TYMS: variants seen among roughly 807,000 people sequenced by gnomAD.
The protein encoded by TYMS is thymidylate synthetase, also known as thymidylate synthase.
Under a neutral mutation model 39.3 loss-of-function variants are expected in TYMS, and 21 were observed. That is an observed-to-expected ratio of 0.54 (90% CI 0.38 to 0.77). The LOEUF (loss-of-function observed/expected upper bound fraction) is 0.77, where lower values mean the gene tolerates loss of function less well. Ranked by LOEUF, TYMS falls within the 30% of genes least tolerant of loss-of-function variation. The pLI is 0.00. For missense variants in TYMS, 273 were observed against 406.7 expected (o/e 0.67, Z 2.83); for synonymous variants, 171 against 162.2 (o/e 1.05, Z -0.41).
In TYMS at chr18:669,158, G is replaced by A. The variant is rs1244429666; in HGVS notation, c.541G>A (p.Ala181Thr). The A allele has an allele frequency of 5.6e-6, 9 of 1,614,042 alleles. No homozygotes were observed. Among genetic ancestry groups the A allele is most frequent in the East Asian group, 2.2e-5 (1 of 44,884 alleles). Residue 181 changes from alanine (A) to threonine (T), a missense_variant, in exon 4 of 7, where the codon GCT becomes ACT. Physicochemically the swap from Ala to Thr is moderately conservative, Grantham distance 58. Around this residue, in one of 3 missense-constraint regions of TYMS, gnomAD observed 228 missense variants for 326.1 expected, o/e 0.70. Coordinates refer to ENST00000323274, the MANE Select transcript of TYMS (RefSeq NM_001071.4). Reference protein sequence around the residue: ...NPDDRRIIMCAWNPRDLPLMA... With the variant: ...NPDDRRIIMCTWNPRDLPLMA... ...TGACGACAGAAGAATCATCATGTGCGCTTGGAATCCAAGAGGTTGAAAGAA... is the reference window on the plus strand; with the variant it reads ...TGACGACAGAAGAATCATCATGTGCACTTGGAATCCAAGAGGTTGAAAGAA...
At position 660,264 on chromosome 18, in the gene TYMS, G is replaced by A. The variant is rs1427416813; in HGVS notation, c.279+550G>A. On this transcript the variant is annotated intron_variant, in intron 2 of 6. Transcript: ENST00000323274. This position sits in a 1 kb window ranked among gnomAD's most constrained non-coding sequence, Gnocchi z 4.6. ...GCACACCGGGACATCCCCACTCCCT[G>A]GAACCTTCTTCCCCCACACTTGGCT... Among the ~76,000 whole-genome samples, 1 of 152,084 alleles carries A rather than the reference G, an allele frequency of 6.6e-6. No individual in the cohort carries two copies. The highest frequency in any genetic ancestry group is 2.4e-5 in the African/African-American group (1 of 41,404).
chr18:673,101 A>C lies in TYMS; in HGVS notation c.*104A>C. On this transcript the variant is annotated 3_prime_UTR_variant, in exon 7 of 7. Coordinates refer to ENST00000323274, the MANE Select transcript of TYMS (RefSeq NM_001071.4). ...TCTAAAAGAAAAAGGAACTAGGTCA[A>C]AAATCTGTCCGTGACCTATCAGTTA... is the stretch of plus-strand genomic sequence containing the variant. 7.9e-7 allele frequency: 1 copy of C among 1,273,388 alleles called. No homozygotes were observed. The highest frequency in any genetic ancestry group is 1.1e-6 in the Non-Finnish European group (1 of 943,970). The allele number at this position is 1,273,388 out of a possible 1,614,324, so 78.9% of individuals were successfully genotyped here. A position where few individuals can be genotyped will look rare whatever the true frequency, so the allele number is the denominator to read the frequency against.
intron 2 of TYMS, among the ~76,000 whole-genome samples, chr18:661,596 G>A (rs963274018): frequency 6.6e-6 from 1 of 152,216 alleles, no homozygotes; most frequent in Non-Finnish European, 1.5e-5. Flanking sequence ...CTTAGTTGAG[G>A]GGAATGGAAG....
intron 3 of TYMS, among the ~76,000 whole-genome samples, chr18:662,726 C>A (rs1212844265): frequency 6.6e-6 from 1 of 151,332 alleles, no homozygotes; most frequent in Non-Finnish European, 1.5e-5. Flanking sequence ...CATATGTTCT[C>A]GTTGTTCAAT....
chr18:669,521 T>G (rs898652719), intron 4 of TYMS: 4 of 199,324 alleles, frequency 2.0e-5, no homozygotes, highest in African/African-American at 9.3e-5. Context: ...TACAGGCATG[T>G]GCCACCATGC....
rs1228955728 is a variant in TYMS, at chr18:666,913, G to GA, written c.455-2159_455-2158insA. Among the ~76,000 whole-genome samples the GA allele has an allele frequency of 2.9e-4, 19 of 65,142 alleles. 3 individuals carry two copies. Among genetic ancestry groups the GA allele is most frequent in the African/African-American group, 6.6e-4 (18 of 27,074 alleles). The allele number at this position is 65,142 out of a possible 152,430, so 42.7% of individuals were successfully genotyped here. A position where few individuals can be genotyped will look rare whatever the true frequency, so the allele number is the denominator to read the frequency against. ...GGGAGATGGTGATGGAGATGGTGAT[G>GA]GTGATGGAGATGGTGATGGTGATGG... On this transcript the variant is annotated intron_variant, in intron 3 of 6. Coordinates refer to ENST00000323274, the MANE Select transcript of TYMS (RefSeq NM_001071.4).
rs2074934438 is a variant in TYMS, at chr18:669,351, G to A, written c.556+178G>A. The A allele has an allele frequency of 5.9e-6, 3 of 507,842 alleles. No individual in the cohort carries two copies. The South Asian group carries it at 9.1e-5, about 15-fold the overall frequency. 31.5% of individuals were successfully genotyped at this position (507,842 alleles called of 1,614,324 possible). On this transcript the variant is annotated intron_variant, in intron 4 of 6. Transcript: ENST00000323274. ...CTGCACTTTCACCTTCAGATCATGA[G>A]GTTGGGCCCAGAGGATTTTTTTTTT...
chr18:672,910 T>G lies in TYMS; in HGVS notation c.855T>G (p.Val285=), dbSNP rs1254990580. The change falls in exon 7 of 7, where the codon GTT becomes GTG. Residue 285 remains valine (V), a synonymous_variant. Coordinates refer to ENST00000323274, the MANE Select transcript of TYMS (RefSeq NM_001071.4). ...CAAAGCTCAGGATTCTTCGAAAAGTTGAGAAAATTGATGACTTCAAAGCTG... is the reference window on the plus strand; with the variant it reads ...CAAAGCTCAGGATTCTTCGAAAAGTGGAGAAAATTGATGACTTCAAAGCTG... The part of the protein sequence containing the change: ...PFPKLRILRK[V]EKIDDFKAED... 1 of 1,598,488 alleles carries G rather than the reference T, an allele frequency of 6.3e-7. No individual in the cohort carries two copies. Among genetic ancestry groups the G allele is most frequent in the Non-Finnish European group, 8.6e-7 (1 of 1,167,836 alleles).
At chr18:665,107 T>G (rs2074796246) in intron 3 of TYMS, among the ~76,000 whole-genome samples, 1 of 151,938 alleles carries the variant, frequency 6.6e-6, no homozygotes, top group Non-Finnish European at 1.5e-5. Flanking sequence ...CAGTTCCTCT[T>G]TGTACCTCTG....
rs1403612651 is a variant in TYMS, at chr18:658,277, T to G, written c.205+330T>G. 7.0e-7 allele frequency: 1 copy of G among 1,430,196 alleles called. No individual in the cohort carries two copies. The allele number at this position is 1,430,196 out of a possible 1,614,324, so 88.6% of individuals were successfully genotyped here. Reference sequence around the variant, plus strand: ...CAGCGTTTGCCCAGTGCTGGAGGGTTAGGGAGAGCTGCCTGGGCTTGACCG... The same window carrying G: ...CAGCGTTTGCCCAGTGCTGGAGGGTGAGGGAGAGCTGCCTGGGCTTGACCG... On this transcript the variant is annotated intron_variant, in intron 1 of 6. Transcript: ENST00000323274. This position sits in a 1 kb window ranked among gnomAD's most constrained non-coding sequence, Gnocchi z 4.5.
intron 3 of TYMS, 28 bp downstream of exon 3, chr18:662,348 T>C: frequency 1.9e-6 from 3 of 1,573,058 alleles, no homozygotes; most frequent in Non-Finnish European, 2.6e-6. Context: ...TGCCTTCCAT[T>C]TCCCGGGTGC....
At chr18:667,571 A>ATGGT (rs1368458016) in intron 3 of TYMS, 5 of 27,970 alleles carry the variant, frequency 1.8e-4, no homozygotes, top group Non-Finnish European at 3.1e-4. Context: ...ATGGTGATGG[A>ATGGT]GATGGTGATG....
At chr18:669,371 T>G in intron 4 of TYMS, 198 bp downstream of exon 4, 1 of 394,432 alleles carries the variant, frequency 2.5e-6, no homozygotes. Flanking sequence ...AGAGGATTTT[T>G]TTTTTTTTTT....
chr18:658,907 G>T lies in TYMS; in HGVS notation c.206-734G>T, dbSNP rs1470451824. 6.6e-6 allele frequency among the ~76,000 whole-genome samples: 1 copy of T among 152,200 alleles called. No homozygotes were observed. Among genetic ancestry groups the T allele is most frequent in the Non-Finnish European group, 1.5e-5 (1 of 68,028 alleles). ...CCGGCCCACGGACCCATCTAGAGAC[G>T]AATACATAGCAGCTGCTGTGGCTGA... is the stretch of plus-strand genomic sequence containing the variant. On this transcript the variant is annotated intron_variant, in intron 1 of 6. Coordinates refer to ENST00000323274, the MANE Select transcript of TYMS (RefSeq NM_001071.4). The surrounding 1 kb of genome is among the most constrained non-coding windows in gnomAD (Gnocchi z 4.5).
rs1022080068 is a variant in TYMS at position 670,786 on chromosome 18, A to C, written c.651A>C (p.Gly217=). 1.9e-6 allele frequency: 3 copies of C among 1,613,896 alleles called. No homozygotes were observed. The highest frequency in any genetic ancestry group is 2.5e-6 in the Non-Finnish European group (3 of 1,180,014). ...CCTGCCAGCTGTACCAGAGATCGGG[A>C]GACATGGGCCTCGGTGTGCCTTTCA... ...ELSCQLYQRS[G]DMGLGVPFNI... Residue 217 remains glycine (G), a synonymous_variant, in exon 5 of 7, where the codon GGA becomes GGC. Transcript: ENST00000323274.
rs745957549 is a variant in TYMS at position 670,816 on chromosome 18, C to T, written c.681C>T (p.Ile227=). ...TGGGCCTCGGTGTGCCTTTCAACATCGCCAGCTACGCCCTGCTCACGTACA... is the reference window on the plus strand; with the variant it reads ...TGGGCCTCGGTGTGCCTTTCAACATTGCCAGCTACGCCCTGCTCACGTACA... ...GDMGLGVPFN[I]ASYALLTYMI... is the part of the protein sequence containing the mutation. Residue 227 remains isoleucine, a synonymous_variant, in exon 5 of 7, where the codon ATC becomes ATT. Transcript: ENST00000323274. 1.2e-5 allele frequency: 19 copies of T among 1,614,010 alleles called. No individual in the cohort carries two copies. The highest frequency in any genetic ancestry group is 1.4e-5 in the Non-Finnish European group (17 of 1,180,036).
Position 658,634 on chromosome 18 carries a change from AGTGGG to A in TYMS, c.205+689_205+693del. 8.1e-6 allele frequency: 1 copy of A among 123,442 alleles called. No individual in the cohort carries two copies. The highest frequency in any genetic ancestry group is 1.5e-5 in the Non-Finnish European group (1 of 66,742). 7.6% of individuals were successfully genotyped at this position (123,442 alleles called of 1,614,324 possible). ...CATTGGCGCCAGGCTTTCAGGGGAC[AGTGGG>A]GCGGGGCGGGGTGGGCACAGGACGT... On this transcript the variant is annotated intron_variant, in intron 1 of 6. Coordinates refer to ENST00000323274, the MANE Select transcript of TYMS (RefSeq NM_001071.4). The surrounding 1 kb of genome is among the most constrained non-coding windows in gnomAD (Gnocchi z 4.5).
In TYMS at chr18:658,467, G is replaced by A; in HGVS notation, c.205+520G>A. 1.8e-6 allele frequency: 1 copy of A among 562,520 alleles called. No homozygotes were observed. Among genetic ancestry groups the A allele is most frequent in the Non-Finnish European group, 2.7e-6 (1 of 370,886 alleles). The allele number at this position is 562,520 out of a possible 1,614,324, so 34.8% of individuals were successfully genotyped here. A position where few individuals can be genotyped will look rare whatever the true frequency, so the allele number is the denominator to read the frequency against. On this transcript the variant is annotated intron_variant, in intron 1 of 6. Coordinates refer to ENST00000323274, the MANE Select transcript of TYMS (RefSeq NM_001071.4). This position sits in a 1 kb window ranked among gnomAD's most constrained non-coding sequence, Gnocchi z 4.5. ...TGGCGCGGGAACTTGGTTTCCTGGT[G>A]GCCTCCCATCCAATCCCCACGAACC...
Position 658,901 on chromosome 18 carries a change from A to G in TYMS, c.206-740A>G, listed in dbSNP as rs1007230790. On this transcript the variant is annotated intron_variant, in intron 1 of 6. Transcript: ENST00000323274. This position sits in a 1 kb window ranked among gnomAD's most constrained non-coding sequence, Gnocchi z 4.5. ...AGCCCTCCGGCCCACGGACCCATCTAGAGACGAATACATAGCAGCTGCTGT... is the reference window on the plus strand; with the variant it reads ...AGCCCTCCGGCCCACGGACCCATCTGGAGACGAATACATAGCAGCTGCTGT... Among the ~76,000 whole-genome samples the G allele has an allele frequency of 9.9e-5, 15 of 152,208 alleles. 1 individual carries two copies. Among genetic ancestry groups the G allele is most frequent in the Non-Finnish European group, 2.9e-5 (2 of 68,034 alleles).
Sources: gnomAD v4.1 joint callset for allele counts (sites outside exome capture counted in the v4.1 genomes callset) on GRCh38, gnomAD v4.1.1 for gene constraint, gnomAD v4.1.1 regional missense constraint, Gnocchi (gnomAD v3.1) non-coding constraint, MANE v1.5 for transcripts, NCBI Gene and HGNC (gene_info 2026-07-23, HGNC 2026-07-21) for gene names.